The following NFXL1 variants were observed in gnomAD, a reference collection of about 807,000 sequenced individuals.
NFXL1 encodes the protein nuclear transcription factor, X-box binding like 1.
NFXL1 carries 66 observed loss-of-function variants against 123.3 expected under a neutral mutation model. The observed-to-expected ratio is 0.54, with a 90% CI of 0.44 to 0.66. The LOEUF is 0.66. NFXL1 is among the 30% of genes least tolerant of loss of function. NFXL1 has a pLI of 0.00. For synonymous variants in NFXL1, 346 were observed against 360.8 expected, an observed-to-expected ratio of 0.96 and a Z score of 0.46; for missense variants, 944 against 1,125.6, an observed-to-expected ratio of 0.84 and a Z score of 2.31.
chr4:47,877,515 G>C (rs762448627), intron 17 of NFXL1, among the ~76,000 whole-genome samples: 4 of 152,060 alleles, frequency 2.6e-5, no homozygotes, highest in East Asian at 1.9e-4. Context: ...ATCTGGAAGA[G>C]GGAAGCCATA....
intron 11 of NFXL1, among the ~76,000 whole-genome samples, chr4:47,891,114 C>CTTTTTTTTTTTTT (rs374093120): frequency 2.9e-5 from 4 of 140,000 alleles, no homozygotes; most frequent in Non-Finnish European, 4.6e-5. Context: ...TTCTTTTTTT[C>CTTTTTTTTTTTTT]TTTTTTTTTT....
rs751101575 is a variant in NFXL1, at chr4:47,878,619, CTT to C, written c.1983_1984del (p.Arg662SerfsTer24). On this transcript the variant is annotated frameshift_variant, in exon 17 of 23. Coordinates refer to ENST00000507489, the MANE Select transcript of NFXL1 (RefSeq NM_001278624.2). LOFTEE classifies it high-confidence loss of function. ...ACAATCCAAGATTCTTCCACAAACTCTTTTACAAGAGTAGGGTCCTACAGCAT... is the reference window on the plus strand; with the variant it reads ...ACAATCCAAGATTCTTCCACAAACTCTTACAAGAGTAGGGTCCTACAGCAT... The C allele has an allele frequency of 2.5e-6, 4 of 1,607,082 alleles. No homozygotes were observed. In the South Asian group the frequency reaches 4.5e-5, roughly 18 times the overall value.
intron 2 of NFXL1, 69 bp from the exon 3 acceptor site, chr4:47,911,063 A>G (rs922541658): frequency 2.3e-6 from 2 of 876,118 alleles, no homozygotes; most frequent in African/African-American, 1.7e-5. Flanking sequence ...ATGTGCTAAT[A>G]TATCATTTTA....
At chr4:47,894,098 C>T in intron 11 of NFXL1, 82 bp downstream of exon 11, 1 of 992,312 alleles carries the variant, frequency 1.0e-6, no homozygotes, top group South Asian at 2.1e-5. Flanking sequence ...AGAAACAATT[C>T]AAGACAGCAC....
intron 12 of NFXL1, 101 bp from the exon 13 acceptor site, chr4:47,886,100 T>A: frequency 9.8e-7 from 1 of 1,024,380 alleles, no homozygotes; most frequent in Non-Finnish European, 1.5e-6. Flanking sequence ...TGGGATACTC[T>A]ACAACAAGAA....
At chr4:47,856,502 T>C (rs1252961294) in intron 19 of NFXL1, among the ~76,000 whole-genome samples, 1 of 66,786 alleles carries the variant, frequency 1.5e-5, no homozygotes, top group South Asian at 5.0e-4. Flanking sequence ...CCCTCCCAAA[T>C]AGTAGAACCC....
intron 11 of NFXL1, 93 bp downstream of exon 11, chr4:47,894,087 G>C: frequency 1.2e-6 from 1 of 851,332 alleles, no homozygotes; most frequent in Non-Finnish European, 1.7e-6. Context: ...CTGAACATTT[G>C]AGAAACAATT....
intron 18 of NFXL1, among the ~76,000 whole-genome samples, chr4:47,866,137 CAAAAT>C (rs925985917): frequency 2.0e-5 from 3 of 148,886 alleles, no homozygotes; most frequent in African/African-American, 5.0e-5. Context: ...AGACTTGTTT[CAAAAT>C]AAAATAAAAT....
At chr4:47,871,510 T>C (rs978659589) in intron 18 of NFXL1, among the ~76,000 whole-genome samples, 1 of 152,200 alleles carries the variant, frequency 6.6e-6, no homozygotes, top group Non-Finnish European at 1.5e-5. Flanking sequence ...TCTTGAGAGC[T>C]TTTTCTATTT....
At chr4:47,898,670 TA>T in intron 8 of NFXL1, 86 bp downstream of exon 8, 1 of 869,856 alleles carries the variant, frequency 1.1e-6, no homozygotes. Flanking sequence ...TTTATCCAAC[TA>T]AACCTGATTA....
chr4:47,876,808 C>CA (rs1376094825), intron 17 of NFXL1, among the ~76,000 whole-genome samples: 1 of 152,056 alleles, frequency 6.6e-6, no homozygotes, highest in Non-Finnish European at 1.5e-5. Context: ...GAGAAACTGT[C>CA]AGATTCAGGA....
intron 5 of NFXL1, among the ~76,000 whole-genome samples, chr4:47,901,495 A>G (rs1367336380): frequency 2.0e-5 from 3 of 152,340 alleles, no homozygotes; most frequent in Admixed American, 6.5e-5. Flanking sequence ...TTAAATCTCT[A>G]AACTAAAACC....
chr4:47,884,234 C>A (rs941463650), intron 15 of NFXL1, 112 bp downstream of exon 15: 23 of 606,650 alleles, frequency 3.8e-5, no homozygotes, highest in Admixed American at 2.6e-4. Context: ...TAGGCTAGGC[C>A]TGAAATAATA....
At chr4:47,875,369 T>G (rs958789884) in intron 17 of NFXL1, 76 bp from the exon 18 acceptor site, 3 of 1,051,112 alleles carry the variant, frequency 2.9e-6, no homozygotes, top group African/African-American at 3.2e-5. Flanking sequence ...GTTATAAAAT[T>G]TATATATCCC....
At chr4:47,857,649 C>A (rs1351604098) in intron 19 of NFXL1, among the ~76,000 whole-genome samples, 1 of 152,120 alleles carries the variant, frequency 6.6e-6, no homozygotes, top group East Asian at 1.9e-4. Context: ...CTGCCACATA[C>A]TGGTAAAATT....
chr4:47,867,948 C>A (rs895231627), intron 18 of NFXL1, among the ~76,000 whole-genome samples: 9 of 152,176 alleles, frequency 5.9e-5, no homozygotes, highest in Admixed American at 5.9e-4. Flanking sequence ...CTAGAGGATG[C>A]ACTTCATTCA....
At chr4:47,860,038 G>A (rs547157522) in intron 19 of NFXL1, among the ~76,000 whole-genome samples, 2 of 152,076 alleles carry the variant, frequency 1.3e-5, no homozygotes, top group African/African-American at 4.8e-5. Context: ...AGTTAGATAT[G>A]AGGAATAAAC....
At chr4:47,871,491 G>A (rs913161701) in intron 18 of NFXL1, among the ~76,000 whole-genome samples, 34 of 152,186 alleles carry the variant, frequency 2.2e-4, no homozygotes, top group African/African-American at 6.5e-4. Context: ...ACACATGCAC[G>A]TGTGTTGTTC....
intron 2 of NFXL1, among the ~76,000 whole-genome samples, chr4:47,911,606 A>G (rs1737833318): frequency 6.6e-6 from 1 of 152,220 alleles, no homozygotes; most frequent in Non-Finnish European, 1.5e-5. Flanking sequence ...AAAAAAACAT[A>G]TTTTACATTA....
Sources: allele counts gnomAD v4.1 joint callset (sites outside exome capture counted in the v4.1 genomes callset), GRCh38; gene constraint gnomAD v4.1.1; transcripts MANE v1.5; gene names NCBI Gene and HGNC (gene_info 2026-07-23, HGNC 2026-07-21).